The following THSD4 variants were observed in gnomAD, a reference collection of about 807,000 sequenced individuals.
THSD4 encodes the protein thrombospondin type-1 domain-containing protein 4.
Under a neutral mutation model 119.0 loss-of-function variants are expected in THSD4, and 69 were observed. The observed-to-expected ratio is 0.58, with a 90% CI of 0.48 to 0.71. THSD4 has a LOEUF of 0.71. Among genes scored for constraint, THSD4 ranks in the 30% least tolerant of loss-of-function variants. THSD4 has a pLI of 0.00. For missense variants in THSD4, 1,393 were observed against 1,391.1 expected (o/e 1.00, Z -0.02); for synonymous variants, 524 against 540.4 (o/e 0.97, Z 0.42).
At chr15:71,631,800 C>A (rs2050634892) in intron 7 of THSD4, among the ~76,000 whole-genome samples, 1 of 152,102 alleles carries the variant, frequency 6.6e-6, no homozygotes, top group African/African-American at 2.4e-5. Context: ...GAGTCCCAGA[C>A]CAAAAGGAGA....
chr15:71,523,365 C>CT (rs1165279562), intron 7 of THSD4, among the ~76,000 whole-genome samples: 1 of 152,196 alleles, frequency 6.6e-6, no homozygotes, highest in Non-Finnish European at 1.5e-5. Flanking sequence ...TCTTTTCTCT[C>CT]TGTGTTTCTC....
At chr15:71,443,845 A>G (rs2047143902) in intron 7 of THSD4, among the ~76,000 whole-genome samples, 1 of 152,272 alleles carries the variant, frequency 6.6e-6, no homozygotes, top group South Asian at 2.1e-4. Context: ...GCAAAGGTGC[A>G]TAACAAATAC....
At chr15:71,552,042 T>G (rs1296889399) in intron 7 of THSD4, among the ~76,000 whole-genome samples, 1 of 133,580 alleles carries the variant, frequency 7.5e-6, no homozygotes, top group Admixed American at 7.7e-5. Flanking sequence ...GTAAGCACTT[T>G]AAGTGGGAAA....
At chr15:71,360,550 C>T (rs2045881024) in intron 6 of THSD4, among the ~76,000 whole-genome samples, 1 of 152,124 alleles carries the variant, frequency 6.6e-6, no homozygotes, top group Non-Finnish European at 1.5e-5. Context: ...CTACTGCCAC[C>T]TTAGCAGGGT....
chr15:71,292,980 A>AT (rs2044813250), intron 6 of THSD4, among the ~76,000 whole-genome samples: 1 of 152,176 alleles, frequency 6.6e-6, no homozygotes, highest in South Asian at 2.1e-4. Flanking sequence ...CTGGCCAAAT[A>AT]TAACAGGACT....
chr15:71,313,565 G>A (rs1371370072), intron 6 of THSD4, among the ~76,000 whole-genome samples: 1 of 152,158 alleles, frequency 6.6e-6, no homozygotes, highest in Non-Finnish European at 1.5e-5. Flanking sequence ...GGGTTGATAG[G>A]TGCAGCAAAC....
Position 71,450,668 on chromosome 15 carries a change from A to G in THSD4, c.1152+38845A>G, listed in dbSNP as rs183139272. ...CAGCTCAAATTGTTCACAAGCCCCC[A>G]TTTCACTTGGTAGTGTAGGGGAGGG... On this transcript the variant is annotated intron_variant, in intron 7 of 17. Coordinates refer to ENST00000261862, the MANE Select transcript of THSD4 (RefSeq NM_024817.3). 1.4e-3 allele frequency among the ~76,000 whole-genome samples: 218 copies of G among 152,242 alleles called. 2 individuals are homozygous for G. Among genetic ancestry groups the G allele is most frequent in the African/African-American group, 4.7e-3 (197 of 41,536 alleles).
intron 7 of THSD4, among the ~76,000 whole-genome samples, chr15:71,659,074 T>C (rs1453292798): frequency 1.3e-5 from 2 of 152,244 alleles, no homozygotes; most frequent in Non-Finnish European, 2.9e-5. Context: ...CTGCTCACTT[T>C]GTCCTAGAGA....
chr15:71,765,787 T>A (rs908424565), intron 16 of THSD4, among the ~76,000 whole-genome samples: 6 of 122,938 alleles, frequency 4.9e-5, no homozygotes, highest in African/African-American at 9.5e-5. Context: ...ACGCACACAC[T>A]CTCTGTGTGT....
chr15:71,377,776 T>C (rs914428741), intron 6 of THSD4, among the ~76,000 whole-genome samples: 26 of 151,910 alleles, frequency 1.7e-4, no homozygotes, highest in South Asian at 2.1e-4. Flanking sequence ...CCTGAGAACT[T>C]TGTGATATAC....
At chr15:71,586,421 T>A (rs2049671987) in intron 7 of THSD4, among the ~76,000 whole-genome samples, 1 of 152,126 alleles carries the variant, frequency 6.6e-6, no homozygotes, top group Non-Finnish European at 1.5e-5. Flanking sequence ...CTTGGAATAT[T>A]TTTCTAAGCT....
At chr15:71,145,089 A>G (rs1010060440) in intron 2 of THSD4, among the ~76,000 whole-genome samples, 12 of 152,018 alleles carry the variant, frequency 7.9e-5, no homozygotes, top group Admixed American at 1.3e-4. Context: ...TTTTGTCCCT[A>G]GAACAGTACA....
At chr15:71,661,396 TA>T (rs2051302714) in intron 8 of THSD4, among the ~76,000 whole-genome samples, 1 of 146,946 alleles carries the variant, frequency 6.8e-6, no homozygotes, top group South Asian at 2.2e-4. Flanking sequence ...ATTATTTATT[TA>T]TTTATTTTTT....
At chr15:71,751,056 C>G (rs2053439324) in intron 14 of THSD4, among the ~76,000 whole-genome samples, 2 of 152,192 alleles carry the variant, frequency 1.3e-5, no homozygotes, top group African/African-American at 4.8e-5. Context: ...TCTCCTTTTA[C>G]AGTTAACCAA....
intron 3 of THSD4, among the ~76,000 whole-genome samples, chr15:71,199,864 GGT>G (rs1185713419): frequency 9.4e-4 from 137 of 146,292 alleles, no homozygotes; most frequent in African/African-American, 2.4e-3. Context: ...GCATGTGTGG[GGT>G]GTGTGTGTGT....
intron 1 of THSD4, among the ~76,000 whole-genome samples, chr15:71,101,322 A>T (rs138014684): frequency 0.011 from 1,721 of 152,298 alleles, 35 homozygotes; most frequent in African/African-American, 0.038. Context: ...CACATAAATG[A>T]TATAAATATT....
intron 6 of THSD4, among the ~76,000 whole-genome samples, chr15:71,352,366 C>T (rs1365992478): frequency 6.6e-6 from 1 of 152,212 alleles, no homozygotes; most frequent in East Asian, 1.9e-4. Flanking sequence ...GGTTGCCAGC[C>T]ATTCTTCCTG....
chr15:71,225,273 A>G (rs1381034743), intron 4 of THSD4, among the ~76,000 whole-genome samples: 5 of 152,202 alleles, frequency 3.3e-5, no homozygotes, highest in Non-Finnish European at 7.3e-5. Context: ...TAGAATAAAG[A>G]GCTTTGTATC....
At chr15:71,595,630 G>A (rs2049894399) in intron 7 of THSD4, among the ~76,000 whole-genome samples, 1 of 152,062 alleles carries the variant, frequency 6.6e-6, no homozygotes, top group Non-Finnish European at 1.5e-5. Context: ...GAAGCTCAGA[G>A]GGCCTAAAAT....
Sources: allele counts gnomAD v4.1 joint callset (sites outside exome capture counted in the v4.1 genomes callset), GRCh38; gene constraint gnomAD v4.1.1; transcripts MANE v1.5; gene names NCBI Gene and HGNC (gene_info 2026-07-23, HGNC 2026-07-21).